The following PIEZO2 variants were observed in gnomAD, a reference collection of about 807,000 sequenced individuals.
PIEZO2 encodes piezo-type mechanosensitive ion channel component 2.
In PIEZO2, 172 loss-of-function variants were observed where a neutral mutation model predicts 337.3. The observed-to-expected ratio is 0.51, with a 90% CI of 0.45 to 0.58. The LOEUF is 0.58. Ranked by LOEUF, PIEZO2 falls within the 20% of genes least tolerant of loss-of-function variation. The pLI is 0.00. For synonymous variants in PIEZO2, 1,251 were observed against 1,228.5 expected (o/e 1.02, Z -0.38); for missense variants, 3,028 against 3,391.3 (o/e 0.89, Z 2.66).
At chr18:11,025,022 T>C (rs905300971) in intron 2 of PIEZO2, among the ~76,000 whole-genome samples, 8 of 152,044 alleles carry the variant, frequency 5.3e-5, no homozygotes, top group Admixed American at 3.9e-4. Flanking sequence ...CTGCATGAGA[T>C]GGAAGCGCAT....
chr18:11,148,274 A>T lies in PIEZO2; in HGVS notation c.64+251T>A, dbSNP rs1280367697. Reference sequence around the variant, plus strand: ...CTCCACGAAAGAAAATCCACGTGTAACTAAATTCAACATAAACAGTTTCCA... The same window carrying T: ...CTCCACGAAAGAAAATCCACGTGTATCTAAATTCAACATAAACAGTTTCCA... On this transcript the variant is annotated intron_variant, in intron 1 of 55. Coordinates refer to ENST00000674853, the MANE Select transcript of PIEZO2 (RefSeq NM_001378183.1). This position sits in a 1 kb window ranked among gnomAD's most constrained non-coding sequence, Gnocchi z 5.2. Among the ~76,000 whole-genome samples the T allele has an allele frequency of 2.0e-5, 3 of 152,192 alleles. No individual in the cohort carries two copies. Among genetic ancestry groups the T allele is most frequent in the Non-Finnish European group, 2.9e-5 (2 of 68,038 alleles).
intron 3 of PIEZO2, among the ~76,000 whole-genome samples, chr18:10,946,887 C>G (rs1434133050): frequency 1.3e-5 from 2 of 151,794 alleles, no homozygotes; most frequent in Non-Finnish European, 2.9e-5. Flanking sequence ...GACACCAACC[C>G]TAAGATAAAT....
At chr18:10,838,590 T>C (rs2041093323) in intron 7 of PIEZO2, among the ~76,000 whole-genome samples, 1 of 152,232 alleles carries the variant, frequency 6.6e-6, no homozygotes, top group Non-Finnish European at 1.5e-5. Flanking sequence ...GGGTGTGCTG[T>C]ATTCAGAACT....
At chr18:10,688,857 A>T (rs1480278303) in intron 49 of PIEZO2, among the ~76,000 whole-genome samples, 4 of 152,120 alleles carry the variant, frequency 2.6e-5, no homozygotes, top group Non-Finnish European at 5.9e-5. Context: ...GCATCCTGTC[A>T]ACTCCTCTGC....
In PIEZO2 at chr18:10,815,400, T is replaced by C. The variant is rs2040332492; in HGVS notation, c.918-8126A>G. On this transcript the variant is annotated intron_variant, in intron 7 of 55. Transcript: ENST00000674853. The surrounding 1 kb of genome is among the most constrained non-coding windows in gnomAD (Gnocchi z 4.1). The stretch of plus-strand genomic sequence containing the variant: ...ACCACTTTAAGCCTCAATTTCCTCA[T>C]TTGGAAAATGAGGCTAGTAAATAAC... Among the ~76,000 whole-genome samples the C allele has an allele frequency of 6.6e-6, 1 of 152,160 alleles. No individual in the cohort carries two copies. The highest frequency in any genetic ancestry group is 6.5e-5 in the Admixed American group (1 of 15,270).
Position 11,105,216 on chromosome 18 carries a change from T to A in PIEZO2, c.65-38994A>T, listed in dbSNP as rs773515318. 3.3e-5 allele frequency among the ~76,000 whole-genome samples: 5 copies of A among 152,162 alleles called. No individual in the cohort carries two copies. Among genetic ancestry groups the A allele is most frequent in the Non-Finnish European group, 5.9e-5 (4 of 68,030 alleles). ...TTTGACCACGATTTGGCTTTGCTTC[T>A]GAAACTTGCAACCAAAAAGAGTTAC... On this transcript the variant is annotated intron_variant, in intron 1 of 55. Coordinates refer to ENST00000674853, the MANE Select transcript of PIEZO2 (RefSeq NM_001378183.1). This position sits in a 1 kb window ranked among gnomAD's most constrained non-coding sequence, Gnocchi z 4.3.
At position 10,796,191 on chromosome 18, in the gene PIEZO2, C is replaced by T. The variant is rs898224275; in HGVS notation, c.1527+1183G>A. On this transcript the variant is annotated intron_variant, in intron 12 of 55. Transcript: ENST00000674853. ...CATCCTGGCTAACACGGTGAAACCC[C>T]GTCTCTACTAAAAATAAAAAAAAAA... 4.0e-5 allele frequency among the ~76,000 whole-genome samples: 6 copies of T among 151,560 alleles called. No individual in the cohort carries two copies. In the South Asian group the frequency reaches 6.3e-4, roughly 16 times the overall value.
chr18:10,876,021 A>G (rs1043814097), intron 4 of PIEZO2, among the ~76,000 whole-genome samples: 1 of 152,256 alleles, frequency 6.6e-6, no homozygotes, highest in Non-Finnish European at 1.5e-5. Flanking sequence ...AAAGCAGTGC[A>G]TTCATAATAC....
At chr18:10,935,165 G>A (rs986175409) in intron 3 of PIEZO2, among the ~76,000 whole-genome samples, 4 of 152,180 alleles carry the variant, frequency 2.6e-5, no homozygotes, top group African/African-American at 9.7e-5. Context: ...TATGTGAGGA[G>A]AATATCATGG....
At position 10,956,984 on chromosome 18, in the gene PIEZO2, A is replaced by AC. The variant is rs1555682200; in HGVS notation, c.286+22550_286+22551insG. Among the ~76,000 whole-genome samples the AC allele has an allele frequency of 6.7e-3, 741 of 110,928 alleles. 5 individuals are homozygous for AC. Among genetic ancestry groups the AC allele is most frequent in the African/African-American group, 0.015 (452 of 31,172 alleles). 72.8% of individuals were successfully genotyped at this position (110,928 alleles called of 152,430 possible). A position where few individuals can be genotyped will look rare whatever the true frequency, so the allele number is the denominator to read the frequency against. ...AACTCCATCTCAAAAAAAAAAAAAA[A>AC]AAGAAATCATCCAGTGGAACAGGAT... On this transcript the variant is annotated intron_variant, in intron 3 of 55. Coordinates refer to ENST00000674853, the MANE Select transcript of PIEZO2 (RefSeq NM_001378183.1).
At position 10,752,675 on chromosome 18, in the gene PIEZO2, T is replaced by G; in HGVS notation, c.4128A>C (p.Ala1376=). 2 of 1,537,254 alleles carry G rather than the reference T, an allele frequency of 1.3e-6. No homozygotes were observed. Among genetic ancestry groups the G allele is most frequent in the South Asian group, 2.4e-5 (2 of 84,064 alleles). The change falls in exon 28 of 56, where the codon GCA becomes GCC. Residue 1376 remains alanine (A), a synonymous_variant. Transcript: ENST00000674853. ...SILRYWDWLI[A]YNVFVITMKN... Reference sequence around the variant, plus strand: ...TCATCGTAATCACAAAAACGTTGTATGCGATCAGCCAGTCCCAGTAGCGCA... The same window carrying G: ...TCATCGTAATCACAAAAACGTTGTAGGCGATCAGCCAGTCCCAGTAGCGCA...
At position 10,859,570 on chromosome 18, in the gene PIEZO2, A is replaced by AT. The variant is rs1228506545; in HGVS notation, c.493-2360dup. On this transcript the variant is annotated intron_variant, in intron 5 of 55. Coordinates refer to ENST00000674853, the MANE Select transcript of PIEZO2 (RefSeq NM_001378183.1). The surrounding 1 kb of genome is among the most constrained non-coding windows in gnomAD (Gnocchi z 4.9). ...TCACAATGTGCTTTCTTTCTGCTGG[A>AT]TCACCCCTGTTAACAGGCAAGGGCG... Among the ~76,000 whole-genome samples, 1 of 152,206 alleles carries AT rather than the reference A, an allele frequency of 6.6e-6. No individual in the cohort carries two copies. Among genetic ancestry groups the AT allele is most frequent in the African/African-American group, 2.4e-5 (1 of 41,454 alleles).
chr18:10,700,969 A>G (rs2035305332), intron 43 of PIEZO2, among the ~76,000 whole-genome samples: 1 of 152,220 alleles, frequency 6.6e-6, no homozygotes, highest in Non-Finnish European at 1.5e-5. Flanking sequence ...GAGGCTGACC[A>G]GAGTACACTC....
At chr18:11,147,319 C>T (rs561247816) in intron 1 of PIEZO2, among the ~76,000 whole-genome samples, 1 of 152,190 alleles carries the variant, frequency 6.6e-6, no homozygotes, top group Non-Finnish European at 1.5e-5. Flanking sequence ...CTTCCCTCCA[C>T]TCGGAGCGCC....
rs147869398 is a variant in PIEZO2 at position 11,034,800 on chromosome 18, G to A, written c.160+31327C>T. ...GTGGAGGTTGCAGTGAGCCAAGACC[G>A]CGCCATTGCACTCCAGCCTGGGCAA... is the stretch of plus-strand genomic sequence containing the variant. On this transcript the variant is annotated intron_variant, in intron 2 of 55. Coordinates refer to ENST00000674853, the MANE Select transcript of PIEZO2 (RefSeq NM_001378183.1). Among the ~76,000 whole-genome samples the A allele has an allele frequency of 9.9e-4, 151 of 152,166 alleles. 2 individuals are homozygous for A. Among genetic ancestry groups the A allele is most frequent in the African/African-American group, 3.3e-3 (136 of 41,540 alleles).
intron 1 of PIEZO2, among the ~76,000 whole-genome samples, chr18:11,130,656 A>G (rs1013368499): frequency 3.3e-5 from 5 of 152,244 alleles, no homozygotes; most frequent in African/African-American, 9.6e-5. Context: ...AACTTCAGGT[A>G]AAACTAAATT....
At chr18:10,792,180 A>C (rs1598486027) in intron 13 of PIEZO2, among the ~76,000 whole-genome samples, 1 of 152,146 alleles carries the variant, frequency 6.6e-6, no homozygotes, top group African/African-American at 2.4e-5. Context: ...AACTCCTGAC[A>C]TCAGGTGATC....
At chr18:10,752,136 T>C (rs1039337202) in intron 28 of PIEZO2, among the ~76,000 whole-genome samples, 1 of 152,202 alleles carries the variant, frequency 6.6e-6, no homozygotes, top group Non-Finnish European at 1.5e-5. Context: ...TAAAACATTC[T>C]TGCCTATAAT....
chr18:10,989,975 T>C (rs2035027555), intron 2 of PIEZO2, among the ~76,000 whole-genome samples: 1 of 152,174 alleles, frequency 6.6e-6, no homozygotes. Flanking sequence ...ACAGCAGGAC[T>C]ACATGGAGAC....
Sources: allele counts gnomAD v4.1 joint callset (sites outside exome capture counted in the v4.1 genomes callset), GRCh38; gene constraint gnomAD v4.1.1; non-coding constraint Gnocchi (gnomAD v3.1); transcripts MANE v1.5; gene names NCBI Gene and HGNC (gene_info 2026-07-23, HGNC 2026-07-21).